Variants in STX5 observed in about 807,000 individuals in gnomAD.
The protein encoded by STX5 is syntaxin 5, also known as syntaxin-5.
A neutral mutation model predicts 42.9 loss-of-function variants in STX5; 15 were observed. The ratio of observed to expected loss-of-function variants is 0.35; its 90% CI spans 0.23 to 0.54. The LOEUF is 0.54. Among genes scored for constraint, STX5 ranks in the 20% least tolerant of loss-of-function variants. The pLI, the probability that STX5 is intolerant of heterozygous loss-of-function variation, is 0.91. For missense variants in STX5, 430 were observed against 455.0 expected (o/e 0.95, Z 0.50); for synonymous variants, 184 against 173.2 (o/e 1.06, Z -0.49).
chr11:62,819,349 C>T (rs1302285009), intron 10 of STX5, among the ~76,000 whole-genome samples: 1 of 144,246 alleles, frequency 6.9e-6, no homozygotes, highest in African/African-American at 2.6e-5. Context: ...GTCAGCAGAT[C>T]TCCACTACAA....
chr11:62,825,350 A>C lies in STX5; in HGVS notation c.541-11T>G, dbSNP rs375016861. The C allele has an allele frequency of 1.9e-5, 30 of 1,614,042 alleles. No individual in the cohort carries two copies. The highest frequency in any genetic ancestry group is 2.5e-5 in the Non-Finnish European group (30 of 1,180,040). On this transcript the variant is annotated splice_polypyrimidine_tract_variant and intron_variant, in intron 6 of 10. Transcript: ENST00000294179. ...AGAAGCCAGTTTCGACTAGAAGAAA[A>C]GGAGAGAGGGTCAACCAAAGAAGGC... is the stretch of plus-strand genomic sequence containing the variant.
intron 10 of STX5, among the ~76,000 whole-genome samples, chr11:62,817,562 T>C (rs1281182527): frequency 6.6e-6 from 1 of 152,200 alleles, no homozygotes; most frequent in African/African-American, 2.4e-5. Flanking sequence ...TTAGTAGATA[T>C]ACAATGAAAC....
intron 10 of STX5, among the ~76,000 whole-genome samples, chr11:62,822,255 C>T (rs2084748010): frequency 6.6e-6 from 1 of 151,816 alleles, no homozygotes; most frequent in South Asian, 2.1e-4. Flanking sequence ...CCCAGGTACT[C>T]GGGAGACTGA....
intron 10 of STX5, among the ~76,000 whole-genome samples, chr11:62,808,374 G>C (rs1176983959): frequency 1.3e-5 from 2 of 151,358 alleles, no homozygotes; most frequent in Non-Finnish European, 2.9e-5. Context: ...GCTTGATGCT[G>C]CAGTGAGATT....
chr11:62,827,136 C>T lies in STX5; in HGVS notation c.423+19G>A. On this transcript the variant is annotated intron_variant, in intron 5 of 10. Coordinates refer to ENST00000294179, the MANE Select transcript of STX5 (RefSeq NM_003164.5). ...GATCTGATTGGAATGCTGGGCTCTC[C>T]TGATGGCTAGTAGCTCACCTGTTTG... is the stretch of plus-strand genomic sequence containing the variant. 1 of 1,611,576 alleles carries T rather than the reference C, an allele frequency of 6.2e-7. No individual in the cohort carries two copies. The highest frequency in any genetic ancestry group is 8.5e-7 in the Non-Finnish European group (1 of 1,178,018).
At chr11:62,807,778 A>G (rs2084569518) in intron 10 of STX5, 150 bp from the exon 11 acceptor site, 1 of 1,391,842 alleles carries the variant, frequency 7.2e-7, no homozygotes, top group South Asian at 1.6e-5. Flanking sequence ...GAAGGGTACT[A>G]TAAACAAGTT....
intron 1 of STX5, among the ~76,000 whole-genome samples, chr11:62,831,680 G>GA (rs1269228371): frequency 1.6e-4 from 24 of 152,122 alleles, no homozygotes; most frequent in Non-Finnish European, 2.6e-4. Context: ...GGCGGAGGGG[G>GA]AAAACCTCTG....
chr11:62,812,472 CGT>C (rs1465770585), intron 10 of STX5, among the ~76,000 whole-genome samples: 1 of 150,962 alleles, frequency 6.6e-6, no homozygotes, highest in Non-Finnish European at 1.5e-5. Flanking sequence ...AGTGCAGTGG[CGT>C]GTGGCGTGAT....
intron 10 of STX5, among the ~76,000 whole-genome samples, chr11:62,820,509 ATTTTCT>A (rs1291985264): frequency 6.8e-6 from 1 of 147,196 alleles, no homozygotes; most frequent in Non-Finnish European, 1.5e-5. Context: ...CCATTTTACT[ATTTTCT>A]TTTTCTTTTT....
rs1460905504 is a variant in STX5 at position 62,825,101 on chromosome 11, C to T, written c.614G>A (p.Arg205Lys). The T allele has an allele frequency of 3.7e-6, 6 of 1,613,432 alleles. No individual in the cohort carries two copies. Among genetic ancestry groups the T allele is most frequent in the Non-Finnish European group, 5.1e-6 (6 of 1,180,028 alleles). ...EVRTENLKQQ[R>K]SRREQFSRAP... The stretch of plus-strand genomic sequence containing the variant: ...CCGGGAGAACTGCTCTCTCCGGCTC[C>T]TCTGCTGCTTCAGGTTCTGGGGTTG... The change falls in exon 8 of 11, where the codon AGG (arginine) becomes AAG (lysine). Residue 205 changes from arginine to lysine, a missense_variant. By Grantham distance (26) the Arg-to-Lys change is conservative. Coordinates refer to ENST00000294179, the MANE Select transcript of STX5 (RefSeq NM_003164.5).
At position 62,827,362 on chromosome 11, in the gene STX5, C is replaced by G. The variant is rs775735092; in HGVS notation, c.333G>C (p.Lys111Asn). Residue 111 changes from lysine (K) to asparagine (N), a missense_variant, in exon 4 of 11, where the codon AAG becomes AAC. By Grantham distance (94) the Lys-to-Asn change is moderately conservative. Coordinates refer to ENST00000294179, the MANE Select transcript of STX5 (RefSeq NM_003164.5). ...ACTCACAGATTGTCAGCTTCTCCAG[C>G]TTGGCAAATGTGTTGCTAAGGTCTT... ...IGKDLSNTFAKLEKLTILAKR... is the reference protein window; with the variant it reads ...IGKDLSNTFANLEKLTILAKR... 1.2e-6 allele frequency: 2 copies of G among 1,614,216 alleles called. No individual in the cohort carries two copies. Among genetic ancestry groups the G allele is most frequent in the Admixed American group, 3.3e-5 (2 of 60,018 alleles).
At chr11:62,813,044 G>A (rs991670603) in intron 10 of STX5, among the ~76,000 whole-genome samples, 6 of 149,950 alleles carry the variant, frequency 4.0e-5, no homozygotes, top group Admixed American at 6.7e-5. Context: ...CCCAGGAGGC[G>A]GAGGTTGCCA....
intron 10 of STX5, 87 bp from the exon 11 acceptor site, chr11:62,807,715 T>G (rs1274020817): frequency 6.4e-7 from 1 of 1,561,316 alleles, no homozygotes; most frequent in East Asian, 2.3e-5. Context: ...CATGGAAAGA[T>G]GGTCACAATA....
At chr11:62,828,250 G>A in intron 2 of STX5, among the ~76,000 whole-genome samples, 1 of 151,882 alleles carries the variant, frequency 6.6e-6, no homozygotes, top group East Asian at 1.9e-4. Context: ...AAGTAGCTGG[G>A]ACTACAGGGC....
intron 1 of STX5, among the ~76,000 whole-genome samples, chr11:62,831,691 G>A (rs2084868492): frequency 2.0e-5 from 3 of 152,194 alleles, no homozygotes; most frequent in African/African-American, 2.4e-5. Flanking sequence ...AAAACCTCTG[G>A]GTGTTTATTT....
chr11:62,831,341 C>T, intron 1 of STX5, 79 bp from the exon 2 acceptor site: 2 of 1,068,040 alleles, frequency 1.9e-6, no homozygotes, highest in Non-Finnish European at 1.4e-6. Flanking sequence ...TCAACAAATC[C>T]CCGAGCCCCT....
In STX5 at chr11:62,814,484, TAAG is replaced by T. The variant is rs555904279; in HGVS notation, c.909-6859_909-6857del. 4.6e-3 allele frequency among the ~76,000 whole-genome samples: 684 copies of T among 147,874 alleles called. 6 individuals are homozygous for T. The highest frequency in any genetic ancestry group is 0.016 in the African/African-American group (663 of 40,434). On this transcript the variant is annotated intron_variant, in intron 10 of 10. Coordinates refer to ENST00000294179, the MANE Select transcript of STX5 (RefSeq NM_003164.5). ...GACTCTTCCTTTTTTTTTTTTTAGA[TAAG>T]AGTCTCACTCTGTTGCCCAGGCTGG...
chr11:62,820,187 G>A (rs930779018), intron 10 of STX5, among the ~76,000 whole-genome samples: 10 of 151,338 alleles, frequency 6.6e-5, no homozygotes, highest in Non-Finnish European at 1.5e-4. Context: ...TGGCTAACAT[G>A]GTGAAACCCT....
At chr11:62,818,014 T>G (rs1435263685) in intron 10 of STX5, among the ~76,000 whole-genome samples, 1 of 151,728 alleles carries the variant, frequency 6.6e-6, no homozygotes, top group African/African-American at 2.4e-5. Context: ...GCTCACGTGG[T>G]GGGCGGATCA....
Sources: allele counts gnomAD v4.1 joint callset (sites outside exome capture counted in the v4.1 genomes callset), GRCh38; gene constraint gnomAD v4.1.1; transcripts MANE v1.5; gene names NCBI Gene and HGNC (gene_info 2026-07-23, HGNC 2026-07-21).